SEC14L1: variants seen among roughly 807,000 people sequenced by gnomAD.
SEC14L1 encodes the protein SEC14-like protein 1.
A neutral mutation model predicts 85.3 loss-of-function variants in SEC14L1; 48 were observed. That is an observed-to-expected ratio of 0.56 (90% confidence interval 0.45 to 0.72). SEC14L1 has a LOEUF of 0.72. Among genes scored for constraint, SEC14L1 ranks in the 30% least tolerant of loss-of-function variants. SEC14L1 has a pLI of 0.00. For missense variants in SEC14L1, 682 were observed against 921.4 expected (o/e 0.74, Z 3.36); for synonymous variants, 391 against 355.5 (o/e 1.10, Z -1.12).
chr17:77,091,021 T>C, intron 2 of SEC14L1, among the ~76,000 whole-genome samples: 1 of 151,642 alleles, frequency 6.6e-6, no homozygotes, highest in East Asian at 1.9e-4. Context: ...GCCTTGCGGC[T>C]CAGGCGAGGA....
intron 3 of SEC14L1, among the ~76,000 whole-genome samples, chr17:77,107,689 G>T (rs899103997): frequency 6.6e-6 from 1 of 152,170 alleles, no homozygotes; most frequent in East Asian, 1.9e-4. Context: ...GATTCCCGGT[G>T]ACGTAAAGGT....
At chr17:77,155,182 C>T (rs1270107538) in intron 3 of SEC14L1, among the ~76,000 whole-genome samples, 1 of 152,168 alleles carries the variant, frequency 6.6e-6, no homozygotes, top group Non-Finnish European at 1.5e-5. Context: ...GAGATGCCCC[C>T]CAGGAGCTTC....
chr17:77,144,285 C>A (rs1275480211), intron 3 of SEC14L1, among the ~76,000 whole-genome samples: 1 of 152,262 alleles, frequency 6.6e-6, no homozygotes, highest in Non-Finnish European at 1.5e-5. Context: ...ATAATACAGA[C>A]AGGAGAATGT....
At chr17:77,190,730 A>G (rs1174690688) in intron 3 of SEC14L1, 73 bp from the exon 4 acceptor site, 1 of 1,512,344 alleles carries the variant, frequency 6.6e-7, no homozygotes, top group East Asian at 2.3e-5. Context: ...TGTTCCAGGG[A>G]GAACACAGTC....
At position 77,213,597 on chromosome 17, in the gene SEC14L1, A is replaced by G; in HGVS notation, c.2042+105A>G. The stretch of plus-strand genomic sequence containing the variant: ...AGGATCAGCAGTGGCGGCGGGTGTC[A>G]GGAATGCTTGGAGGGCCAGGAGGGA... On this transcript the variant is annotated intron_variant, in intron 16 of 16. Transcript: ENST00000436233. This position sits in a 1 kb window ranked among gnomAD's most constrained non-coding sequence, Gnocchi z 7.1. 1 of 1,395,856 alleles carries G rather than the reference A, an allele frequency of 7.2e-7. No individual in the cohort carries two copies. Among genetic ancestry groups the G allele is most frequent in the African/African-American group, 1.4e-5 (1 of 70,818 alleles). 86.5% of individuals were successfully genotyped at this position (1,395,856 alleles called of 1,614,324 possible). A position where few individuals can be genotyped will look rare whatever the true frequency, so the allele number is the denominator to read the frequency against.
chr17:77,175,520 G>A (rs1974714095), intron 3 of SEC14L1, among the ~76,000 whole-genome samples: 1 of 152,228 alleles, frequency 6.6e-6, no homozygotes, highest in Admixed American at 6.5e-5. Context: ...TGTTTGCCTA[G>A]GCATGGACTT....
rs180916319 is a variant in SEC14L1 at position 77,196,524 on chromosome 17, C to T, written c.819+213C>T. ...ACTAACTGCATTTTTCTAGACTTTA[C>T]AGAGCAAGGTCTGGCTACAAACAGT... On this transcript the variant is annotated intron_variant, in intron 8 of 16. Transcript: ENST00000436233. Among the ~76,000 whole-genome samples, 554 of 152,310 alleles carry T rather than the reference C, an allele frequency of 3.6e-3. 3 individuals are homozygous for T. Among genetic ancestry groups the T allele is most frequent in the Admixed American group, 6.8e-3 (104 of 15,292 alleles).
chr17:77,106,091 A>C (rs1971907579), intron 3 of SEC14L1, among the ~76,000 whole-genome samples: 1 of 151,938 alleles, frequency 6.6e-6, no homozygotes, highest in African/African-American at 2.4e-5. Context: ...TGGCCAGGGG[A>C]CATTGAAATT....
At chr17:77,138,685 C>T (rs911059487), upstream of SEC14L1, among the ~76,000 whole-genome samples, 1 of 152,000 alleles carries the variant, frequency 6.6e-6, no homozygotes, top group Non-Finnish European at 1.5e-5. Context: ...AGTAGCCAGG[C>T]GTGGTGGCAC....
In SEC14L1 at chr17:77,203,473, C is replaced by G. The variant is rs539216889; in HGVS notation, c.1010-97C>G. The G allele has an allele frequency of 7.2e-5, 76 of 1,056,030 alleles. No individual in the cohort carries two copies. The East Asian group carries it at 1.8e-3, about 25-fold the overall frequency. 65.4% of individuals were successfully genotyped at this position (1,056,030 alleles called of 1,614,324 possible). The stretch of plus-strand genomic sequence containing the variant: ...GAAAGACTTTTAAGCGCCCCTAGAA[C>G]ACAGGCGAACACATATTCCTGTTAA... On this transcript the variant is annotated intron_variant, in intron 9 of 16. Coordinates refer to ENST00000436233, the MANE Select transcript of SEC14L1 (RefSeq NM_001143998.2).
intron 3 of SEC14L1, among the ~76,000 whole-genome samples, chr17:77,161,190 A>G (rs982656032): frequency 1.3e-5 from 2 of 152,254 alleles, no homozygotes; most frequent in African/African-American, 2.4e-5. Context: ...AAGTAACGTT[A>G]TAATAAAAAT....
intron 2 of SEC14L1, among the ~76,000 whole-genome samples, chr17:77,143,192 G>C (rs1475374899): frequency 6.6e-6 from 1 of 152,168 alleles, no homozygotes; most frequent in East Asian, 1.9e-4. Flanking sequence ...AGTTGTTTAA[G>C]AGAAAATGAT....
intron 3 of SEC14L1, among the ~76,000 whole-genome samples, chr17:77,176,382 A>T (rs927259499): frequency 2.1e-4 from 32 of 152,186 alleles, no homozygotes; most frequent in African/African-American, 7.5e-4. Context: ...CCAAATGAGA[A>T]GGTGGGTTCT....
At chr17:77,150,827 C>G (rs55994155) in intron 3 of SEC14L1, among the ~76,000 whole-genome samples, 24,815 of 152,222 alleles carry the variant, frequency 0.16, 2,245 homozygotes, top group Middle Eastern at 0.21. Context: ...CCTGAATATT[C>G]TCTGAGCTGC....
chr17:77,109,574 A>C (rs1972002916), intron 3 of SEC14L1, among the ~76,000 whole-genome samples: 1 of 152,090 alleles, frequency 6.6e-6, no homozygotes, highest in Non-Finnish European at 1.5e-5. Flanking sequence ...CTCCATTTTG[A>C]TTTTTGTCTG....
intron 3 of SEC14L1, among the ~76,000 whole-genome samples, chr17:77,147,037 G>A (rs1429702871): frequency 6.6e-6 from 1 of 152,210 alleles, no homozygotes; most frequent in Non-Finnish European, 1.5e-5. Flanking sequence ...TTCCGCCGGC[G>A]GACTTGTGAG....
chr17:77,152,306 C>T (rs1441261242), intron 3 of SEC14L1, among the ~76,000 whole-genome samples: 5 of 151,866 alleles, frequency 3.3e-5, no homozygotes, highest in Non-Finnish European at 5.9e-5. Flanking sequence ...GAGGCTGAGG[C>T]GGGTGGATCA....
At chr17:77,141,316 C>G (rs1262251669) in intron 1 of SEC14L1, 1 of 130,366 alleles carries the variant, frequency 7.7e-6, no homozygotes, top group African/African-American at 3.0e-5. Context: ...CTGCTCGCCC[C>G]TCGCCGCCCC....
intron 3 of SEC14L1, among the ~76,000 whole-genome samples, chr17:77,119,898 A>G (rs1365392993): frequency 6.6e-6 from 1 of 152,202 alleles, no homozygotes; most frequent in East Asian, 1.9e-4. Context: ...GCAGCTTGGA[A>G]TGTCAGGAAC....
Sources: allele counts gnomAD v4.1 joint callset (sites outside exome capture counted in the v4.1 genomes callset), GRCh38; gene constraint gnomAD v4.1.1; non-coding constraint Gnocchi (gnomAD v3.1); transcripts MANE v1.5; gene names NCBI Gene and HGNC (gene_info 2026-07-23, HGNC 2026-07-21).